The following LPIN1 variants were observed in gnomAD, a reference collection of about 807,000 sequenced individuals.
LPIN1 encodes the protein lipin 1.
In LPIN1, 71 loss-of-function variants were observed where a neutral mutation model predicts 107.5. The observed-to-expected ratio is 0.66, with a 90% CI of 0.55 to 0.80. The LOEUF (loss-of-function observed/expected upper bound fraction) is 0.80. Ranked by LOEUF, LPIN1 falls within the 30% of genes least tolerant of loss-of-function variation. LPIN1 has a pLI of 0.00. For synonymous variants in LPIN1, 445 were observed against 452.6 expected (o/e 0.98, Z 0.21); for missense variants, 1,043 against 1,160.6 (o/e 0.90, Z 1.47).
intron 1 of LPIN1, among the ~76,000 whole-genome samples, chr2:11,740,618 A>T (rs935221977): frequency 2.7e-4 from 36 of 134,620 alleles, no homozygotes; most frequent in African/African-American, 9.2e-4. Flanking sequence ...TGGTAGGTGG[A>T]GGTTGCAGTG....
intron 17 of LPIN1, among the ~76,000 whole-genome samples, chr2:11,808,127 G>T (rs1028825904): frequency 4.6e-5 from 7 of 152,088 alleles, no homozygotes; most frequent in African/African-American, 7.2e-5. Context: ...CACAATCTGT[G>T]ACCCTAGTCA....
At chr2:11,802,773 A>G in intron 14 of LPIN1, 134 bp from the exon 15 acceptor site, 2 of 981,222 alleles carry the variant, frequency 2.0e-6, no homozygotes, top group Non-Finnish European at 3.2e-6. Context: ...TTAACGTCTT[A>G]TGGTAAATGA....
intron 20 of LPIN1, among the ~76,000 whole-genome samples, chr2:11,820,854 G>C (rs1364488042): frequency 1.3e-5 from 2 of 152,204 alleles, no homozygotes; most frequent in Non-Finnish European, 2.9e-5. Flanking sequence ...ACTGAAATAT[G>C]TGAAGTTATA....
intron 1 of LPIN1, among the ~76,000 whole-genome samples, chr2:11,684,215 G>C (rs11682138): frequency 6.6e-6 from 1 of 152,206 alleles, no homozygotes; most frequent in African/African-American, 2.4e-5. Flanking sequence ...TAGTAAGCAG[G>C]TGTGTCTGCT....
At chr2:11,692,844 A>T (rs1029380320) in intron 1 of LPIN1, among the ~76,000 whole-genome samples, 2 of 152,216 alleles carry the variant, frequency 1.3e-5, no homozygotes, top group African/African-American at 4.8e-5. Flanking sequence ...TATCAGGCCT[A>T]TCCTCTTCCC....
intron 1 of LPIN1, among the ~76,000 whole-genome samples, chr2:11,708,472 G>A (rs1663237284): frequency 2.0e-5 from 3 of 152,290 alleles, no homozygotes; most frequent in Middle Eastern, 3.4e-3. Context: ...TGGAGAGTGA[G>A]GCATGGGAGA....
At chr2:11,792,738 C>T (rs1179095775) in intron 13 of LPIN1, among the ~76,000 whole-genome samples, 1 of 152,182 alleles carries the variant, frequency 6.6e-6, no homozygotes, top group Non-Finnish European at 1.5e-5. Context: ...TCTCTGAGTC[C>T]TTTCACTGAA....
upstream of LPIN1, among the ~76,000 whole-genome samples, chr2:11,722,762 G>C (rs1664242368): frequency 6.6e-6 from 1 of 152,124 alleles, no homozygotes; most frequent in African/African-American, 2.4e-5. Flanking sequence ...GAAGCAAGTG[G>C]ATGTTTTTTA....
intron 16 of LPIN1, 117 bp from the exon 17 acceptor site, chr2:11,804,953 C>G: frequency 1.4e-6 from 1 of 736,310 alleles, no homozygotes; most frequent in South Asian, 1.6e-5. Context: ...GGCTTTCTAT[C>G]CAGAAAGAAA....
chr2:11,785,050 T>C lies in LPIN1; in HGVS notation c.1523T>C (p.Leu508Pro). 1.3e-6 allele frequency: 2 copies of C among 1,553,516 alleles called. No homozygotes were observed. The highest frequency in any genetic ancestry group is 1.7e-6 in the Non-Finnish European group (2 of 1,149,188). ...PSIAISLCGG[L>P]SDHREITKDA... ...ATCGCCATCTCCCTCTGCGGGGGCC[T>C]CAGCGACCACCGGGAGATCACGAAA... Residue 508 changes from leucine (L) to proline (P), a missense_variant, in exon 10 of 21, where the codon CTC becomes CCC. By Grantham distance (98) the Leu-to-Pro change is moderately conservative. Transcript: ENST00000674199.
intron 1 of LPIN1, among the ~76,000 whole-genome samples, chr2:11,763,911 T>C (rs2148614707): frequency 6.6e-6 from 1 of 151,722 alleles, no homozygotes; most frequent in South Asian, 2.1e-4. Context: ...TCCTTGATCA[T>C]AACTCCCTTA....
rs1682226380 is a variant in LPIN1 at position 11,825,270 on chromosome 2, G to A, written c.*479G>A. 1 of 196,982 alleles carries A rather than the reference G, an allele frequency of 5.1e-6. No homozygotes were observed. The highest frequency in any genetic ancestry group is 1.1e-5 in the Non-Finnish European group (1 of 94,672). 12.2% of individuals were successfully genotyped at this position (196,982 alleles called of 1,614,324 possible). On this transcript the variant is annotated 3_prime_UTR_variant, in exon 21 of 21. Coordinates refer to ENST00000674199, the MANE Select transcript of LPIN1 (RefSeq NM_001349206.2). The surrounding 1 kb of genome is among the most constrained non-coding windows in gnomAD (Gnocchi z 4.1). ...TGCCACCACCTTCTGAACACAGTGG[G>A]GAGGGCTGTGAAGGCTCATGTGACC...
chr2:11,733,070 A>G (rs757871626), intron 1 of LPIN1, among the ~76,000 whole-genome samples: 10 of 152,068 alleles, frequency 6.6e-5, no homozygotes, highest in Non-Finnish European at 1.2e-4. Flanking sequence ...CTACCTTAAC[A>G]ATTCCATTCC....
At chr2:11,742,653 G>T (rs1291602286), upstream of LPIN1, among the ~76,000 whole-genome samples, 1 of 152,186 alleles carries the variant, frequency 6.6e-6, no homozygotes, top group Non-Finnish European at 1.5e-5. Context: ...TCATGTTGAG[G>T]TCTCTTTCCC....
At chr2:11,802,773 AT>A in intron 14 of LPIN1, 133 bp from the exon 15 acceptor site, 2 of 981,222 alleles carry the variant, frequency 2.0e-6, no homozygotes, top group Non-Finnish European at 3.2e-6. Context: ...TTAACGTCTT[AT>A]GGTAAATGAC....
At chr2:11,777,238 G>A (rs551528756) in intron 6 of LPIN1, 6 of 152,266 alleles carry the variant, frequency 3.9e-5, no homozygotes, top group African/African-American at 1.2e-4. Flanking sequence ...CCTCAGTGAC[G>A]GTCGGCAGAA....
At chr2:11,747,808 C>G (rs759232323) in intron 1 of LPIN1, among the ~76,000 whole-genome samples, 4 of 152,238 alleles carry the variant, frequency 2.6e-5, no homozygotes, top group Non-Finnish European at 1.5e-5. Flanking sequence ...GATAGCACTT[C>G]ACGTTTGCCA....
At chr2:11,796,547 CTG>C (rs1676750963) in intron 14 of LPIN1, among the ~76,000 whole-genome samples, 1 of 152,244 alleles carries the variant, frequency 6.6e-6, no homozygotes, top group African/African-American at 2.4e-5. Context: ...TTGAATGTGA[CTG>C]TGAATGGCCT....
intron 1 of LPIN1, chr2:11,763,082 G>A (rs1218993160): frequency 1.3e-5 from 2 of 152,254 alleles, no homozygotes; most frequent in African/African-American, 4.8e-5. Flanking sequence ...AACGGGAGAG[G>A]AGAAGAGAGT....
Sources: gnomAD v4.1 joint callset for allele counts (sites outside exome capture counted in the v4.1 genomes callset) on GRCh38, gnomAD v4.1.1 for gene constraint, Gnocchi (gnomAD v3.1) non-coding constraint, MANE v1.5 for transcripts, NCBI Gene and HGNC (gene_info 2026-07-23, HGNC 2026-07-21) for gene names.